The following NPHP4 variants were observed in gnomAD, a reference collection of about 807,000 sequenced individuals.
NPHP4 encodes the protein nephrocystin-4.
In NPHP4, 151 loss-of-function variants were observed where a neutral mutation model predicts 155.8. The ratio of observed to expected loss-of-function variants is 0.97; its 90% confidence interval spans 0.85 to 1.11. NPHP4 has a LOEUF of 1.11. Ranked by LOEUF, NPHP4 falls within the 50% of genes least tolerant of loss-of-function variation. The pLI, the probability that NPHP4 is intolerant of heterozygous loss-of-function variation, is 0.00. For synonymous variants in NPHP4, 845 were observed against 816.8 expected, an observed-to-expected ratio of 1.03 and a Z score of -0.59; for missense variants, 1,956 against 1,925.7, an observed-to-expected ratio of 1.02 and a Z score of -0.29.
chr1:5,898,589 G>C (rs1644513043), intron 16 of NPHP4, among the ~76,000 whole-genome samples: 1 of 152,246 alleles, frequency 6.6e-6, no homozygotes, highest in Non-Finnish European at 1.5e-5. Context: ...TCCTGATCGG[G>C]ACATGGCAAA....
At chr1:5,895,076 C>T (rs1411804035) in intron 16 of NPHP4, among the ~76,000 whole-genome samples, 4 of 151,952 alleles carry the variant, frequency 2.6e-5, no homozygotes, top group Admixed American at 6.6e-5. Context: ...AGCAAACTAC[C>T]GCAAGGACAG....
intron 25 of NPHP4, 100 bp from the exon 26 acceptor site, chr1:5,866,558 G>A: frequency 2.8e-6 from 2 of 717,910 alleles, no homozygotes; most frequent in Non-Finnish European, 2.5e-6. Context: ...GTGACGGCCA[G>A]TCCCTCCCAG....
At position 5,944,531 on chromosome 1, in the gene NPHP4, G is replaced by A. The variant is rs550803573; in HGVS notation, c.1119+2573C>T. 5.9e-5 allele frequency among the ~76,000 whole-genome samples: 9 copies of A among 152,206 alleles called. No individual in the cohort carries two copies. The highest frequency in any genetic ancestry group is 1.0e-4 in the Non-Finnish European group (7 of 68,036). ...GTGGATGCTTAACCCACTTCCAATG[G>A]TTCCGCACAGGAAGCAATTTTTGTG... On this transcript the variant is annotated intron_variant, in intron 9 of 29. Transcript: ENST00000378156. The surrounding 1 kb of genome is among the most constrained non-coding windows in gnomAD (Gnocchi z 4.3).
chr1:5,979,773 C>CA (rs1320456451), intron 2 of NPHP4, among the ~76,000 whole-genome samples: 1 of 152,080 alleles, frequency 6.6e-6, no homozygotes, highest in African/African-American at 2.4e-5. Context: ...CTCGGCCTCC[C>CA]AAAGTGCTGG....
At position 5,978,231 on chromosome 1, in the gene NPHP4, C is replaced by T. The variant is rs771261453; in HGVS notation, c.279+39G>A. The T allele has an allele frequency of 4.3e-5, 68 of 1,579,978 alleles. No homozygotes were observed. The South Asian group carries it at 6.3e-4, about 15-fold the overall frequency. ...CAGGACCACCCGCACACACACCCTC[C>T]GCCTTGGAGCAGCCCCTGCCACCAT... On this transcript the variant is annotated intron_variant, in intron 3 of 29. Transcript: ENST00000378156.
chr1:5,931,733 C>CAAAAAAAAAAAAA, intron 10 of NPHP4, among the ~76,000 whole-genome samples: 1 of 79,312 alleles, frequency 1.3e-5, no homozygotes, highest in Non-Finnish European at 2.3e-5. Flanking sequence ...GACTTCATCT[C>CAAAAAAAAAAAAA]AAAAAAAAAA....
At chr1:5,913,151 CA>C (rs34163161) in intron 11 of NPHP4, among the ~76,000 whole-genome samples, 37,662 of 81,732 alleles carry the variant, frequency 0.46, 5,774 homozygotes, top group East Asian at 0.59. Context: ...GACTCCATCT[CA>C]AAAAAAAAAA....
intron 11 of NPHP4, among the ~76,000 whole-genome samples, chr1:5,915,085 C>G (rs773278253): frequency 6.6e-6 from 1 of 152,190 alleles, no homozygotes; most frequent in African/African-American, 2.4e-5. Flanking sequence ...CTGCATTTAC[C>G]TATGGGGTCA....
chr1:5,913,603 G>A (rs931423889), intron 11 of NPHP4, among the ~76,000 whole-genome samples: 2 of 152,194 alleles, frequency 1.3e-5, no homozygotes, highest in African/African-American at 4.8e-5. Flanking sequence ...ACCCCGGGAG[G>A]CCACGCATCC....
chr1:5,901,050 A>G (rs1314349208), intron 16 of NPHP4, among the ~76,000 whole-genome samples: 1 of 152,080 alleles, frequency 6.6e-6, no homozygotes, highest in Non-Finnish European at 1.5e-5. Flanking sequence ...AAACCCAAAA[A>G]AAAACAAAAA....
intron 19 of NPHP4, among the ~76,000 whole-genome samples, chr1:5,878,180 TC>T (rs895663394): frequency 6.6e-6 from 1 of 152,170 alleles, no homozygotes; most frequent in African/African-American, 2.4e-5. Context: ...GCCCGAGCTC[TC>T]CCAGCCTGGT....
At chr1:5,939,723 TCCCATTCC>T (rs1334505186) in intron 9 of NPHP4, among the ~76,000 whole-genome samples, 1 of 152,086 alleles carries the variant, frequency 6.6e-6, no homozygotes, top group Non-Finnish European at 1.5e-5. Flanking sequence ...CAACAGGAAA[TCCCATTCC>T]CCCATGCCAG....
chr1:5,944,351 T>C lies in NPHP4; in HGVS notation c.1119+2753A>G, dbSNP rs144269250. On this transcript the variant is annotated intron_variant, in intron 9 of 29. Transcript: ENST00000378156. The surrounding 1 kb of genome is among the most constrained non-coding windows in gnomAD (Gnocchi z 4.3). ...AGAAGGCTGCTCTGGGAGACACTGC[T>C]GCAGACGGGGTGGCTGAGGTGGGAG... Among the ~76,000 whole-genome samples, 1,358 of 152,334 alleles carry C rather than the reference T, an allele frequency of 8.9e-3. 20 individuals are homozygous for C. Among genetic ancestry groups the C allele is most frequent in the African/African-American group, 0.031 (1,281 of 41,586 alleles).
At position 5,947,158 on chromosome 1, in the gene NPHP4, C is replaced by T. The variant is rs562484051; in HGVS notation, c.1065G>A (p.Ala355=). 3.7e-6 allele frequency: 6 copies of T among 1,613,862 alleles called. No homozygotes were observed. Among genetic ancestry groups the T allele is most frequent in the South Asian group, 2.2e-5 (2 of 91,078 alleles). The part of the protein sequence containing the change: ...LPEMVGHPAF[A]VIFQLEYVFS... ...ACACGTACTCCAGCTGGAAGATGAC[C>T]GCAAATGCAGGGTGGCCGACCATCT... is the stretch of plus-strand genomic sequence containing the variant. Residue 355 remains alanine (A), a synonymous_variant, in exon 9 of 30, where the codon GCG becomes GCA. Coordinates refer to ENST00000378156, the MANE Select transcript of NPHP4 (RefSeq NM_015102.5).
chr1:5,864,785 G>T, intron 27 of NPHP4: 1 of 534,008 alleles, frequency 1.9e-6, no homozygotes, highest in Non-Finnish European at 3.3e-6. Context: ...TAAAACCCCG[G>T]CCAGCTGGTG....
At chr1:5,950,125 A>C (rs1277643937) in intron 7 of NPHP4, among the ~76,000 whole-genome samples, 4 of 152,166 alleles carry the variant, frequency 2.6e-5, no homozygotes, top group Non-Finnish European at 5.9e-5. Context: ...TCTTACCCAA[A>C]AGGCCGAGAA....
At chr1:5,935,326 C>G (rs910777867) in intron 9 of NPHP4, among the ~76,000 whole-genome samples, 1 of 152,162 alleles carries the variant, frequency 6.6e-6, no homozygotes, top group Non-Finnish European at 1.5e-5. Flanking sequence ...CATTCACGCC[C>G]CCGTCACAGG....
At position 5,969,777 on chromosome 1, in the gene NPHP4, C is replaced by G. The variant is rs115196092; in HGVS notation, c.280-518G>C. ...CAACTTCGATCACACCTTCCCAGTG[C>G]TGCTTCGTGCGTAACCATTTTGAGT... On this transcript the variant is annotated intron_variant, in intron 3 of 29. Coordinates refer to ENST00000378156, the MANE Select transcript of NPHP4 (RefSeq NM_015102.5). Among the ~76,000 whole-genome samples, 1,260 of 152,338 alleles carry G rather than the reference C, an allele frequency of 8.3e-3. 20 individuals carry two copies. Among genetic ancestry groups the G allele is most frequent in the African/African-American group, 0.028 (1,163 of 41,576 alleles).
intron 18 of NPHP4, among the ~76,000 whole-genome samples, chr1:5,883,580 C>A (rs1012526567): frequency 1.8e-4 from 27 of 152,218 alleles, no homozygotes; most frequent in African/African-American, 3.1e-4. Context: ...GAAGGAGGGG[C>A]CTCCCAGGCA....
Sources: gnomAD v4.1 joint callset for allele counts (sites outside exome capture counted in the v4.1 genomes callset) on GRCh38, gnomAD v4.1.1 for gene constraint, Gnocchi (gnomAD v3.1) non-coding constraint, MANE v1.5 for transcripts, NCBI Gene and HGNC (gene_info 2026-07-23, HGNC 2026-07-21) for gene names.